NBEA: variants seen among roughly 807,000 people sequenced by gnomAD.
NBEA encodes neurobeachin.
Under a neutral mutation model 343.4 loss-of-function variants are expected in NBEA, and 44 were observed. The observed-to-expected ratio is 0.13, with a 90% CI of 0.10 to 0.16. The LOEUF is 0.16. NBEA is among the 10% of genes least tolerant of loss of function. The probability of loss-of-function intolerance (pLI) is 1.00; values close to 1 mark genes in which losing one functional copy is unlikely to be tolerated. For synonymous variants in NBEA, 1,175 were observed against 1,238.7 expected (o/e 0.95, Z 1.08); for missense variants, 2,555 against 3,631.3 (o/e 0.70, Z 7.62).
At chr13:35,473,514 A>C (rs1484309807) in intron 41 of NBEA, among the ~76,000 whole-genome samples, 4 of 152,198 alleles carry the variant, frequency 2.6e-5, no homozygotes, top group East Asian at 3.9e-4. Context: ...ACCTGAATTA[A>C]CTAACTTAAG....
chr13:35,053,615 T>C (rs1425914166), intron 6 of NBEA, among the ~76,000 whole-genome samples: 1 of 152,142 alleles, frequency 6.6e-6, no homozygotes, highest in African/African-American at 2.4e-5. Flanking sequence ...TATATACCCA[T>C]GATCCAAGGT....
chr13:35,364,987 A>G (rs2041018847), intron 38 of NBEA, among the ~76,000 whole-genome samples: 1 of 151,820 alleles, frequency 6.6e-6, no homozygotes, highest in African/African-American at 2.4e-5. Flanking sequence ...TACAGGTCAC[A>G]TTGGTAAGAG....
chr13:35,449,233 T>A (rs1371478736), intron 39 of NBEA, among the ~76,000 whole-genome samples: 3 of 152,232 alleles, frequency 2.0e-5, no homozygotes, highest in Non-Finnish European at 4.4e-5. Flanking sequence ...AGTTAATGAA[T>A]AATTTTAATA....
At chr13:35,554,855 C>G in intron 43 of NBEA, 132 bp from the exon 44 acceptor site, 1 of 428,518 alleles carries the variant, frequency 2.3e-6, no homozygotes, top group Non-Finnish European at 4.1e-6. Context: ...AATATATTTT[C>G]TAATTCATCT....
intron 34 of NBEA, among the ~76,000 whole-genome samples, chr13:35,250,321 C>A (rs1044164978): frequency 6.6e-6 from 1 of 151,960 alleles, no homozygotes; most frequent in South Asian, 2.1e-4. Context: ...CAAAGAAACT[C>A]CTACCAATGA....
At chr13:35,214,396 T>A (rs990867730) in intron 33 of NBEA, among the ~76,000 whole-genome samples, 2 of 151,910 alleles carry the variant, frequency 1.3e-5, no homozygotes, top group Non-Finnish European at 2.9e-5. Flanking sequence ...CATATTCTTG[T>A]CAGCACTTGG....
intron 34 of NBEA, among the ~76,000 whole-genome samples, chr13:35,268,143 G>A (rs1213130178): frequency 1.3e-5 from 2 of 152,056 alleles, no homozygotes; most frequent in East Asian, 3.8e-4. Context: ...TAAGAAAAAT[G>A]TGGTACACAT....
At chr13:35,291,739 T>C (rs74048984) in intron 35 of NBEA, among the ~76,000 whole-genome samples, 2,217 of 152,046 alleles carry the variant, frequency 0.015, 49 homozygotes, top group African/African-American at 0.05. Flanking sequence ...GTGTCTTTGA[T>C]GGCCTCATCA....
At chr13:35,313,715 A>T (rs2037523764) in intron 36 of NBEA, among the ~76,000 whole-genome samples, 1 of 152,116 alleles carries the variant, frequency 6.6e-6, no homozygotes, top group African/African-American at 2.4e-5. Context: ...TAAATATGTG[A>T]AGGACAACTA....
intron 33 of NBEA, among the ~76,000 whole-genome samples, chr13:35,230,362 A>T: frequency 6.6e-6 from 1 of 152,126 alleles, no homozygotes; most frequent in East Asian, 1.9e-4. Context: ...TCAACCTAGG[A>T]TAAAAAATGT....
In NBEA at chr13:35,023,856, A is replaced by G. The variant is rs556739421; in HGVS notation, c.295-17077A>G. Among the ~76,000 whole-genome samples the G allele has an allele frequency of 2.0e-5, 3 of 152,140 alleles. No individual in the cohort carries two copies. The East Asian group carries it at 5.8e-4, about 29-fold the overall frequency. ...CCTTTTATTTTAGGTTTGGGGGTGC[A>G]TGCGCAGGTTTGTTACGTGGGTAAA... On this transcript the variant is annotated intron_variant, in intron 1 of 58. Transcript: ENST00000379939.
intron 16 of NBEA, among the ~76,000 whole-genome samples, chr13:35,120,384 G>C (rs755761392): frequency 6.6e-6 from 1 of 152,040 alleles, no homozygotes; most frequent in African/African-American, 2.4e-5. Context: ...TTAAAAAACG[G>C]CCTTTCCTTG....
intron 38 of NBEA, among the ~76,000 whole-genome samples, chr13:35,411,917 T>G (rs2043611833): frequency 6.6e-6 from 1 of 152,156 alleles, no homozygotes; most frequent in Non-Finnish European, 1.5e-5. Context: ...ATCAATGATT[T>G]TATCATTCTT....
intron 38 of NBEA, among the ~76,000 whole-genome samples, chr13:35,386,552 T>C (rs2042251281): frequency 6.6e-6 from 1 of 152,176 alleles, no homozygotes; most frequent in Non-Finnish European, 1.5e-5. Flanking sequence ...ATAAAATAAC[T>C]ATAGGCTTAT....
intron 38 of NBEA, among the ~76,000 whole-genome samples, chr13:35,418,557 G>C (rs1464055825): frequency 1.3e-5 from 2 of 151,952 alleles, no homozygotes; most frequent in Admixed American, 1.3e-4. Context: ...ACACAAAATA[G>C]ATGCTCAGTA....
At chr13:34,995,362 C>T (rs1452350723) in intron 1 of NBEA, among the ~76,000 whole-genome samples, 2 of 149,636 alleles carry the variant, frequency 1.3e-5, no homozygotes, top group Non-Finnish European at 3.0e-5. Context: ...GAGGCTGAGG[C>T]AGGAGCTGAG....
chr13:35,223,083 G>C (rs1475753731), intron 33 of NBEA, among the ~76,000 whole-genome samples: 1 of 152,182 alleles, frequency 6.6e-6, no homozygotes, highest in Non-Finnish European at 1.5e-5. Context: ...AGTGAGCTGA[G>C]ACTGTGCCAC....
At chr13:35,328,816 T>A (rs533326313) in intron 36 of NBEA, among the ~76,000 whole-genome samples, 4 of 151,324 alleles carry the variant, frequency 2.6e-5, no homozygotes, top group African/African-American at 9.7e-5. Flanking sequence ...TGATTTAAAA[T>A]TTTCTGTGAA....
At chr13:35,467,367 G>A (rs1458767062) in intron 40 of NBEA, among the ~76,000 whole-genome samples, 1 of 152,054 alleles carries the variant, frequency 6.6e-6, no homozygotes, top group Non-Finnish European at 1.5e-5. Flanking sequence ...AGCTCCTTGG[G>A]AGGCCGAGGC....
Sources: allele counts gnomAD v4.1 joint callset (sites outside exome capture counted in the v4.1 genomes callset), GRCh38; gene constraint gnomAD v4.1.1; transcripts MANE v1.5; gene names NCBI Gene and HGNC (gene_info 2026-07-23, HGNC 2026-07-21).